The following AFF3 variants were observed in gnomAD, a reference collection of about 807,000 sequenced individuals.
The protein encoded by AFF3 is ALF transcription elongation factor 3.
Under a neutral mutation model 129.7 loss-of-function variants are expected in AFF3, and 32 were observed. The observed-to-expected ratio is 0.25, with a 90% CI of 0.19 to 0.33. AFF3 has a LOEUF of 0.33. AFF3 is among the 10% of genes least tolerant of loss of function. The probability of loss-of-function intolerance (pLI) is 1.00; values close to 1 mark genes in which losing one functional copy is unlikely to be tolerated. For missense variants in AFF3, 1,373 were observed against 1,592.0 expected (o/e 0.86, Z 2.34); for synonymous variants, 644 against 635.4 (o/e 1.01, Z -0.20).
intron 10 of AFF3, among the ~76,000 whole-genome samples, chr2:99,735,466 A>G (rs1171462650): frequency 6.6e-6 from 1 of 150,980 alleles, no homozygotes; most frequent in Non-Finnish European, 1.5e-5. Context: ...TGCTTAGTTC[A>G]TTAATTTTTT....
intron 7 of AFF3, among the ~76,000 whole-genome samples, chr2:99,964,529 C>T (rs1237989529): frequency 2.0e-5 from 3 of 151,968 alleles, no homozygotes; most frequent in African/African-American, 7.2e-5. Context: ...GATGACATCT[C>T]AAAAGTTATA....
intron 13 of AFF3, among the ~76,000 whole-genome samples, chr2:99,602,848 C>T (rs1558632395): frequency 6.6e-6 from 1 of 152,132 alleles, no homozygotes; most frequent in Non-Finnish European, 1.5e-5. Context: ...TTCATAAATC[C>T]TGGGTATGGG....
At chr2:99,918,400 C>G (rs889330040) in intron 7 of AFF3, among the ~76,000 whole-genome samples, 4 of 152,092 alleles carry the variant, frequency 2.6e-5, no homozygotes, top group Admixed American at 2.6e-4. Flanking sequence ...AAAAACTCTC[C>G]TAAAAAACAT....
intron 7 of AFF3, among the ~76,000 whole-genome samples, chr2:99,983,867 T>A (rs2104528003): frequency 6.6e-6 from 1 of 152,148 alleles, no homozygotes; most frequent in South Asian, 2.1e-4. Flanking sequence ...AGCAGAAAAA[T>A]TAATGTAAAT....
intron 7 of AFF3, among the ~76,000 whole-genome samples, chr2:99,896,530 T>G (rs982033910): frequency 6.6e-6 from 1 of 151,590 alleles, no homozygotes; most frequent in Non-Finnish European, 1.5e-5. Flanking sequence ...TGTCAGAAGT[T>G]TCCAGCTGAA....
intron 7 of AFF3, among the ~76,000 whole-genome samples, chr2:99,991,869 C>T (rs1477441110): frequency 6.6e-6 from 1 of 151,326 alleles, no homozygotes; most frequent in Non-Finnish European, 1.5e-5. Flanking sequence ...CGACACTGCA[C>T]TACAGCCTGG....
intron 8 of AFF3, among the ~76,000 whole-genome samples, chr2:99,817,800 A>G (rs1687358516): frequency 6.6e-6 from 1 of 152,250 alleles, no homozygotes; most frequent in Admixed American, 6.5e-5. Flanking sequence ...GAAGAAAATG[A>G]GTTAGAAAAC....
chr2:99,680,039 A>G (rs1391758332), intron 11 of AFF3, among the ~76,000 whole-genome samples: 1 of 152,224 alleles, frequency 6.6e-6, no homozygotes, highest in African/African-American at 2.4e-5. Context: ...GATGCTTTCC[A>G]GCTAGAAATA....
intron 11 of AFF3, chr2:99,707,647 T>C (rs1677525734): frequency 3.0e-6 from 3 of 984,832 alleles, no homozygotes; most frequent in African/African-American, 3.5e-5. Flanking sequence ...ACATTCCAAA[T>C]CTTTCCATTC....
At chr2:100,009,308 T>C (rs1682283567) in intron 4 of AFF3, among the ~76,000 whole-genome samples, 1 of 151,774 alleles carries the variant, frequency 6.6e-6, no homozygotes, top group Non-Finnish European at 1.5e-5. Flanking sequence ...CTGAGTGTTA[T>C]ATGGGAATGC....
intron 8 of AFF3, among the ~76,000 whole-genome samples, chr2:99,836,474 G>GA (rs1193220221): frequency 3.3e-5 from 5 of 151,788 alleles, no homozygotes; most frequent in African/African-American, 7.2e-5. Flanking sequence ...ATCTCTGCCA[G>GA]AAAAAAAATC....
chr2:99,724,271 C>CTTTTTTTTTTTTTT (rs58303232), intron 11 of AFF3, among the ~76,000 whole-genome samples: 7,844 of 66,282 alleles, frequency 0.12, 2,370 homozygotes, highest in South Asian at 0.15. Context: ...AATGACCTTT[C>CTTTTTTTTTTTTTT]TTTTTTTTTT....
chr2:99,880,593 C>T (rs1460985983), intron 7 of AFF3, among the ~76,000 whole-genome samples: 1 of 152,178 alleles, frequency 6.6e-6, no homozygotes, highest in Admixed American at 6.5e-5. Context: ...CCCTGGCCTG[C>T]ATGTCATCTG....
chr2:99,913,280 G>A (rs1695234087), intron 7 of AFF3, among the ~76,000 whole-genome samples: 1 of 152,112 alleles, frequency 6.6e-6, no homozygotes, highest in Non-Finnish European at 1.5e-5. Flanking sequence ...ACTTTTTTGT[G>A]TATTCTGATA....
chr2:100,101,475 G>A (rs1427236559), intron 4 of AFF3, among the ~76,000 whole-genome samples: 1 of 147,256 alleles, frequency 6.8e-6, no homozygotes, highest in Non-Finnish European at 1.5e-5. Context: ...ATCAAAGGAA[G>A]AAGTTTTCAA....
At chr2:99,560,301 C>G in intron 21 of AFF3, 64 bp downstream of exon 21, 5 of 1,541,714 alleles carry the variant, frequency 3.2e-6, no homozygotes, top group Non-Finnish European at 4.5e-6. Context: ...CCTTTCAGCA[C>G]CTGGTTTGCC....
intron 7 of AFF3, among the ~76,000 whole-genome samples, chr2:99,857,201 T>C (rs574920271): frequency 5.9e-5 from 9 of 152,222 alleles, no homozygotes; most frequent in Non-Finnish European, 1.2e-4. Flanking sequence ...ATAATCATAA[T>C]TGGTATCTGT....
intron 7 of AFF3, among the ~76,000 whole-genome samples, chr2:99,927,857 A>G (rs1345290179): frequency 6.6e-6 from 1 of 152,180 alleles, no homozygotes; most frequent in Non-Finnish European, 1.5e-5. Context: ...TCCCCACCCA[A>G]ATCTCATCTT....
intron 7 of AFF3, among the ~76,000 whole-genome samples, chr2:99,911,291 G>A (rs573590940): frequency 6.6e-6 from 1 of 152,250 alleles, no homozygotes; most frequent in African/African-American, 2.4e-5. Flanking sequence ...AGGAGGCTGA[G>A]GCAGGAGCAT....
Sources: gnomAD v4.1 joint callset for allele counts (sites outside exome capture counted in the v4.1 genomes callset) on GRCh38, gnomAD v4.1.1 for gene constraint, MANE v1.5 for transcripts, NCBI Gene and HGNC (gene_info 2026-07-23, HGNC 2026-07-21) for gene names.